Variants in ASXL1 observed in about 807,000 individuals in gnomAD.
ASXL1 encodes polycomb group protein ASXL1.
Under a neutral mutation model 89.1 loss-of-function variants are expected in ASXL1, and 65 were observed. That is an observed-to-expected ratio of 0.73 (90% CI 0.60 to 0.90). ASXL1 has a LOEUF of 0.90. Ranked by LOEUF, ASXL1 falls within the 40% of genes least tolerant of loss-of-function variation. ASXL1 has a pLI of 0.00. For missense variants in ASXL1, 1,786 were observed against 1,942.9 expected, an observed-to-expected ratio of 0.92 and a Z score of 1.52; for synonymous variants, 739 against 746.9, an observed-to-expected ratio of 0.99 and a Z score of 0.17.
At chr20:32,359,524 G>C (rs1257068821) in intron 1 of ASXL1, 1 of 646,298 alleles carries the variant, frequency 1.5e-6, no homozygotes, top group Non-Finnish European at 2.8e-6. Flanking sequence ...CTTCCCAGGT[G>C]ATTCAAACGC....
In ASXL1 at chr20:32,429,642, T is replaced by C. The variant is rs7260822; in HGVS notation, c.565+211T>C. On this transcript the variant is annotated intron_variant, in intron 7 of 12. Coordinates refer to ENST00000375687, the MANE Select transcript of ASXL1 (RefSeq NM_015338.6). The surrounding 1 kb of genome is among the most constrained non-coding windows in gnomAD (Gnocchi z 4.9). ...TTGTCTCCCAGGGCAGTCGTGAGGA[T>C]CCAACGGAGGATTTGATTATGCCAG... is the stretch of plus-strand genomic sequence containing the variant. 3.0e-3 allele frequency: 2,115 copies of C among 707,782 alleles called. 41 individuals are homozygous for C. The African/African-American group carries it at 0.034, about 11-fold the overall frequency. 43.8% of individuals were successfully genotyped at this position (707,782 alleles called of 1,614,324 possible).
chr20:32,362,374 C>T lies in ASXL1; in HGVS notation c.57+3542C>T, dbSNP rs553736198. On this transcript the variant is annotated intron_variant, in intron 1 of 12. Transcript: ENST00000375687. ...TTTGTAGGCTGTGCGCGGTGGCTCA[C>T]GCCTGTAATCCCAGCACTTTGGGAG... 3.9e-5 allele frequency among the ~76,000 whole-genome samples: 6 copies of T among 152,334 alleles called. No homozygotes were observed. The East Asian group carries it at 1.2e-3, about 29-fold the overall frequency.
intron 8 of ASXL1, 200 bp from the exon 9 acceptor site, chr20:32,431,121 C>G (rs995185013): frequency 1.4e-6 from 1 of 729,088 alleles, no homozygotes; most frequent in Non-Finnish European, 2.4e-6. Context: ...GAGATGCAAC[C>G]CCAAGTGTTC....
At chr20:32,432,762 T>G in intron 10 of ASXL1, 118 bp from the exon 11 acceptor site, 1 of 1,255,102 alleles carries the variant, frequency 8.0e-7, no homozygotes, top group Non-Finnish European at 1.1e-6. Context: ...TATAAGAGCA[T>G]GATGTGAGAG....
At chr20:32,398,066 A>G (rs922669362) in intron 4 of ASXL1, among the ~76,000 whole-genome samples, 1 of 152,222 alleles carries the variant, frequency 6.6e-6, no homozygotes, top group South Asian at 2.1e-4. Context: ...AAACACTGTT[A>G]TAAAGTTATT....
chr20:32,378,293 TA>T (rs758019998), intron 4 of ASXL1, among the ~76,000 whole-genome samples: 2 of 151,902 alleles, frequency 1.3e-5, no homozygotes, highest in African/African-American at 2.4e-5. Context: ...GTGCTAGGAT[TA>T]TAGGCGTGAA....
intron 4 of ASXL1, among the ~76,000 whole-genome samples, chr20:32,396,874 A>G (rs952611823): frequency 6.6e-6 from 1 of 152,108 alleles, no homozygotes; most frequent in Non-Finnish European, 1.5e-5. Flanking sequence ...ATTTTGAAAT[A>G]ACTCTGAACA....
rs1245649789 is a variant in ASXL1 at position 32,358,339 on chromosome 20, T to A, written c.-437T>A. 8.8e-6 allele frequency: 2 copies of A among 227,034 alleles called. No homozygotes were observed. Among genetic ancestry groups the A allele is most frequent in the Non-Finnish European group, 1.7e-5 (2 of 116,930 alleles). 14.1% of individuals were successfully genotyped at this position (227,034 alleles called of 1,614,324 possible). On this transcript the variant is annotated 5_prime_UTR_variant, in exon 1 of 13. Transcript: ENST00000375687. Reference sequence around the variant, plus strand: ...CCCCCTCCTCACTCTTCACACACACTCACACACACCCACGGCAGACACGCA... The same window carrying A: ...CCCCCTCCTCACTCTTCACACACACACACACACACCCACGGCAGACACGCA...
intron 4 of ASXL1, among the ~76,000 whole-genome samples, chr20:32,380,229 C>A (rs567424465): frequency 1.6e-4 from 24 of 152,236 alleles, no homozygotes; most frequent in Admixed American, 7.9e-4. Context: ...TTGCAATGAG[C>A]CTATTGCGCA....
chr20:32,381,475 T>G (rs181567288), intron 4 of ASXL1, among the ~76,000 whole-genome samples: 5 of 152,060 alleles, frequency 3.3e-5, no homozygotes, highest in African/African-American at 1.2e-4. Flanking sequence ...ATGCTGAGAT[T>G]ATAGGTGTGA....
chr20:32,433,984 A>G (rs2123273244), intron 12 of ASXL1, 67 bp downstream of exon 12: 1 of 1,590,132 alleles, frequency 6.3e-7, no homozygotes, highest in Non-Finnish European at 8.6e-7. Flanking sequence ...GAGATTATAG[A>G]GCCCTTAACT....
At chr20:32,415,118 C>T (rs1249301308) in intron 4 of ASXL1, among the ~76,000 whole-genome samples, 1 of 152,142 alleles carries the variant, frequency 6.6e-6, no homozygotes, top group Non-Finnish European at 1.5e-5. Context: ...AAGCAATTCT[C>T]CAGCCTCAGC....
chr20:32,377,663 T>G (rs190607222), intron 4 of ASXL1, among the ~76,000 whole-genome samples: 1 of 152,252 alleles, frequency 6.6e-6, no homozygotes, highest in East Asian at 1.9e-4. Flanking sequence ...TTGTTTTCTT[T>G]TTTTTTTGAG....
rs571262009 is a variant in ASXL1 at position 32,403,970 on chromosome 20, G to A, written c.253-24158G>A. Among the ~76,000 whole-genome samples, 10 of 152,044 alleles carry A rather than the reference G, an allele frequency of 6.6e-5. No individual in the cohort carries two copies. The South Asian group carries it at 2.1e-3, about 32-fold the overall frequency. On this transcript the variant is annotated intron_variant, in intron 4 of 12. Transcript: ENST00000375687. Reference sequence around the variant, plus strand: ...ATGCAGTGTATAATGATCAAAGCAAGGTATTTAGGCTATCCATCACCTCAA... The same window carrying A: ...ATGCAGTGTATAATGATCAAAGCAAAGTATTTAGGCTATCCATCACCTCAA...
At chr20:32,365,969 C>G (rs528502670) in intron 1 of ASXL1, among the ~76,000 whole-genome samples, 1 of 152,182 alleles carries the variant, frequency 6.6e-6, no homozygotes, top group South Asian at 2.1e-4. Flanking sequence ...TACTAAAATA[C>G]AAAAATTAGT....
intron 4 of ASXL1, among the ~76,000 whole-genome samples, chr20:32,370,405 C>A (rs1317150211): frequency 2.0e-5 from 3 of 150,602 alleles, no homozygotes; most frequent in Admixed American, 2.0e-4. Context: ...ATGGGCATGG[C>A]TGTGTTCCAA....
intron 4 of ASXL1, among the ~76,000 whole-genome samples, chr20:32,401,823 T>C (rs1415784831): frequency 6.6e-6 from 1 of 152,188 alleles, no homozygotes; most frequent in East Asian, 1.9e-4. Context: ...CCCAAAGTGC[T>C]GGGATTACAG....
intron 8 of ASXL1, 111 bp downstream of exon 8, chr20:32,430,164 G>C (rs546966008): frequency 7.3e-7 from 1 of 1,364,072 alleles, no homozygotes; most frequent in East Asian, 2.5e-5. Context: ...TTACTTCTTG[G>C]GTGGCCCTCT....
rs1222290644 is a variant in ASXL1 at position 32,435,921 on chromosome 20, G to A, written c.3209G>A (p.Cys1070Tyr). 1.2e-6 allele frequency: 2 copies of A among 1,614,176 alleles called. No homozygotes were observed. The highest frequency in any genetic ancestry group is 1.7e-6 in the Non-Finnish European group (2 of 1,180,030). Residue 1070 changes from cysteine to tyrosine, a missense_variant, in exon 13 of 13, where the codon TGT (cysteine) becomes TAT (tyrosine). Physicochemically the swap from Cys to Tyr is radical, Grantham distance 194 (BLOSUM62 -2). Transcript: ENST00000375687. The stretch of plus-strand genomic sequence containing the variant: ...CCTCAGAGCTGGGTGTCTCGAGTAT[G>A]TGCGGTCCGCCAAAAGATCCCAGAT... ...VAPQSWVSRV[C>Y]AVRQKIPDSL...
Sources: allele counts gnomAD v4.1 joint callset (sites outside exome capture counted in the v4.1 genomes callset), GRCh38; gene constraint gnomAD v4.1.1; non-coding constraint Gnocchi (gnomAD v3.1); transcripts MANE v1.5; gene names NCBI Gene and HGNC (gene_info 2026-07-23, HGNC 2026-07-21).